Variants in NKD1 observed in about 807,000 individuals in gnomAD.
NKD1 encodes the protein NKD inhibitor of Wnt signaling pathway 1.
Under a neutral mutation model 56.0 loss-of-function variants are expected in NKD1, and 21 were observed. The observed-to-expected ratio is 0.38, with a 90% CI of 0.27 to 0.54. The LOEUF is 0.54. NKD1 is among the 20% of genes least tolerant of loss of function. NKD1 has a pLI of 0.82. For missense variants in NKD1, 578 were observed against 642.7 expected (o/e 0.90, Z 1.09); for synonymous variants, 263 against 265.7 (o/e 0.99, Z 0.10).
chr16:50,625,763 C>A (rs1962197106), intron 6 of NKD1, among the ~76,000 whole-genome samples, 183 bp downstream of exon 6: 1 of 152,220 alleles, frequency 6.6e-6, no homozygotes. Context: ...GAGCTGCTGG[C>A]AAGTGGGAAG....
At chr16:50,630,147 C>G (rs1189320534) in intron 6 of NKD1, 39 bp from the exon 7 acceptor site, 1 of 1,604,204 alleles carries the variant, frequency 6.2e-7, no homozygotes, top group South Asian at 1.1e-5. Flanking sequence ...GGCCCTGTGA[C>G]TGAAACCCTG....
At chr16:50,621,761 C>A in intron 5 of NKD1, 53 bp downstream of exon 5, 1 of 1,380,924 alleles carries the variant, frequency 7.2e-7, no homozygotes. Flanking sequence ...GTTTTCTCAG[C>A]TTGGGGCTTT....
intron 3 of NKD1, among the ~76,000 whole-genome samples, chr16:50,589,609 C>T (rs1961303471): frequency 6.6e-6 from 1 of 152,246 alleles, no homozygotes; most frequent in African/African-American, 2.4e-5. Context: ...AGGTGGTGGC[C>T]CAAGTCTGGG....
chr16:50,596,085 C>T (rs1281474133), intron 3 of NKD1, among the ~76,000 whole-genome samples: 1 of 152,194 alleles, frequency 6.6e-6, no homozygotes, highest in Admixed American at 6.5e-5. Flanking sequence ...CATTACACAG[C>T]CCCTGGCTTC....
intron 3 of NKD1, among the ~76,000 whole-genome samples, chr16:50,561,941 T>C (rs538312011): frequency 2.4e-4 from 37 of 151,972 alleles, no homozygotes; most frequent in Non-Finnish European, 4.7e-4. Context: ...GCGGTCACAG[T>C]TGGGTCTGGC....
intron 3 of NKD1, chr16:50,608,046 A>G (rs983591070): frequency 5.9e-6 from 3 of 508,464 alleles, no homozygotes; most frequent in Non-Finnish European, 1.1e-5. Context: ...TGTGGGAGGC[A>G]TGATGGAAGA....
intron 3 of NKD1, among the ~76,000 whole-genome samples, chr16:50,567,834 TCA>T (rs1287108604): frequency 2.0e-5 from 3 of 152,236 alleles, no homozygotes; most frequent in African/African-American, 7.2e-5. Context: ...AGCAAATTAA[TCA>T]CAGTGTTAAG....
intron 3 of NKD1, among the ~76,000 whole-genome samples, chr16:50,583,963 C>T (rs905816760): frequency 8.5e-5 from 13 of 152,230 alleles, no homozygotes; most frequent in African/African-American, 3.1e-4. Flanking sequence ...TCTTAATTCT[C>T]AGGCAGTTAT....
rs368687797 is a variant in NKD1, at chr16:50,594,862, G to A, written c.193-13432G>A. 3.1e-4 allele frequency among the ~76,000 whole-genome samples: 47 copies of A among 152,296 alleles called. 2 individuals are homozygous for A. Among genetic ancestry groups the A allele is most frequent in the African/African-American group, 1.1e-3 (44 of 41,562 alleles). On this transcript the variant is annotated intron_variant, in intron 3 of 9. Transcript: ENST00000268459. ...ACACGGTGCCCTGGGGAGGTGGACT[G>A]CTATCAAAGGGTCTAAAGAAGTAAG...
chr16:50,616,851 A>G (rs989054551), intron 4 of NKD1, among the ~76,000 whole-genome samples: 1 of 152,208 alleles, frequency 6.6e-6, no homozygotes, highest in Non-Finnish European at 1.5e-5. Context: ...TGTCATAAGC[A>G]ATACACATAT....
intron 3 of NKD1, among the ~76,000 whole-genome samples, chr16:50,562,983 ACCACC>A: frequency 1.9e-5 from 1 of 53,514 alleles, no homozygotes; most frequent in African/African-American, 1.0e-4. Flanking sequence ...AGGTCCCACC[ACCACC>A]CCCCCCCCCC....
At position 50,638,018 on chromosome 16, in the gene NKD1, TGGCAAAGGAAACAGCTA is replaced by T. The variant is rs1020509814; in HGVS notation, c.*4240_*4256del. The T allele has an allele frequency of 1.3e-5, 2 of 152,186 alleles. No individual in the cohort carries two copies. The highest frequency in any genetic ancestry group is 4.8e-5 in the African/African-American group (2 of 41,426). The allele number at this position is 152,186 out of a possible 1,614,324, so 9.4% of individuals were successfully genotyped here. ...ATCCAGCCATGCTAATTACACTTTT[TGGCAAAGGAAACAGCTA>T]GGAGCAGTTTCTTTCACTCCTACAG... On this transcript the variant is annotated 3_prime_UTR_variant, in exon 10 of 10. Transcript: ENST00000268459.
chr16:50,592,644 C>G (rs760336198), intron 3 of NKD1, among the ~76,000 whole-genome samples: 1 of 152,200 alleles, frequency 6.6e-6, no homozygotes, highest in Non-Finnish European at 1.5e-5. Flanking sequence ...CCAAAGGCTG[C>G]AAGGAGGATG....
At position 50,636,782 on chromosome 16, in the gene NKD1, C is replaced by T. The variant is rs1015686760; in HGVS notation, c.*3001C>T. On this transcript the variant is annotated 3_prime_UTR_variant, in exon 10 of 10. Transcript: ENST00000268459. ...AGTATTTCAAACACAAAGTTTGAAACAGAAAATTGTGTAACATTAACTATG... is the reference window on the plus strand; with the variant it reads ...AGTATTTCAAACACAAAGTTTGAAATAGAAAATTGTGTAACATTAACTATG... 3.9e-5 allele frequency: 6 copies of T among 152,178 alleles called. No homozygotes were observed. Among genetic ancestry groups the T allele is most frequent in the African/African-American group, 1.4e-4 (6 of 41,440 alleles). The allele number at this position is 152,178 out of a possible 1,614,324, so 9.4% of individuals were successfully genotyped here. A position where few individuals can be genotyped will look rare whatever the true frequency, so the allele number is the denominator to read the frequency against.
rs577531545 is a variant in NKD1, at chr16:50,627,816, C to T, written c.462+2236C>T. Among the ~76,000 whole-genome samples the T allele has an allele frequency of 6.2e-4, 95 of 152,322 alleles. 1 individual carries two copies. Among genetic ancestry groups the T allele is most frequent in the African/African-American group, 2.2e-3 (91 of 41,564 alleles). On this transcript the variant is annotated intron_variant, in intron 6 of 9. Transcript: ENST00000268459. The stretch of plus-strand genomic sequence containing the variant: ...CAAAGCACATAGGCTCTGAGACCCT[C>T]GGTCTGCTGGGACCACCCCCATCCT...
At position 50,563,428 on chromosome 16, in the gene NKD1, C is replaced by T. The variant is rs12922607; in HGVS notation, c.192+13873C>T. 3.3e-3 allele frequency among the ~76,000 whole-genome samples: 443 copies of T among 134,490 alleles called. 3 individuals are homozygous for T. The highest frequency in any genetic ancestry group is 0.012 in the African/African-American group (424 of 35,458). 88.2% of individuals were successfully genotyped at this position (134,490 alleles called of 152,430 possible). A position where few individuals can be genotyped will look rare whatever the true frequency, so the allele number is the denominator to read the frequency against. The stretch of plus-strand genomic sequence containing the variant: ...CATCCTCAGTGGGCACAGCCCTGGA[C>T]CCATGGAGAAGACCCTGTGTGTCAG... On this transcript the variant is annotated intron_variant, in intron 3 of 9. Coordinates refer to ENST00000268459, the MANE Select transcript of NKD1 (RefSeq NM_033119.5).
intron 3 of NKD1, among the ~76,000 whole-genome samples, chr16:50,596,949 C>T (rs2151273007): frequency 6.6e-6 from 1 of 152,168 alleles, no homozygotes; most frequent in South Asian, 2.1e-4. Flanking sequence ...GTTGGAGAAA[C>T]AGCAAGGACG....
intron 3 of NKD1, among the ~76,000 whole-genome samples, chr16:50,550,514 G>A (rs549963161): frequency 7.9e-5 from 12 of 152,086 alleles, no homozygotes; most frequent in Admixed American, 1.3e-4. Context: ...TGCTGGTGTC[G>A]GGAGGTGGAC....
intron 3 of NKD1, among the ~76,000 whole-genome samples, chr16:50,554,765 C>T (rs1225803353): frequency 6.6e-6 from 1 of 152,122 alleles, no homozygotes; most frequent in Non-Finnish European, 1.5e-5. Flanking sequence ...ACTATAGGTG[C>T]ACGCCACTGT....
Sources: gnomAD v4.1 joint callset for allele counts (sites outside exome capture counted in the v4.1 genomes callset) on GRCh38, gnomAD v4.1.1 for gene constraint, MANE v1.5 for transcripts, NCBI Gene and HGNC (gene_info 2026-07-23, HGNC 2026-07-21) for gene names.